Variants in KHDRBS2 observed in about 807,000 individuals in gnomAD.
The protein encoded by KHDRBS2 is KH RNA binding domain containing, signal transduction associated 2.
In KHDRBS2, 26 loss-of-function variants were observed where a neutral mutation model predicts 44.3. The ratio of observed to expected loss-of-function variants is 0.59; its 90% confidence interval spans 0.43 to 0.81. The LOEUF (loss-of-function observed/expected upper bound fraction) is 0.81. KHDRBS2 is among the 40% of genes least tolerant of loss of function. KHDRBS2 has a pLI of 0.00. For missense variants in KHDRBS2, 476 were observed against 433.1 expected (o/e 1.10, Z -0.88); for synonymous variants, 194 against 151.1 (o/e 1.28, Z -2.08).
chr6:62,063,928 A>G (rs1020966427), intron 2 of KHDRBS2, among the ~76,000 whole-genome samples: 23 of 143,992 alleles, frequency 1.6e-4, no homozygotes, highest in African/African-American at 5.6e-4. Flanking sequence ...CAACTTCAGC[A>G]AAGTCTCAGG....
the KHDRBS2 span, among the ~76,000 whole-genome samples, chr6:61,674,107 T>C: frequency 2.0e-4 from 31 of 151,934 alleles, no homozygotes; most frequent in African/African-American, 6.7e-4. Context: ...ATTTAGATTA[T>C]AAATGAATTC....
At chr6:61,799,773 A>T (rs1216571476) in intron 6 of KHDRBS2, among the ~76,000 whole-genome samples, 2 of 152,086 alleles carry the variant, frequency 1.3e-5, no homozygotes, top group Non-Finnish European at 2.9e-5. Flanking sequence ...TTGAAGGATA[A>T]TCCTTAATTT....
the KHDRBS2 span, among the ~76,000 whole-genome samples, chr6:61,673,002 C>A: frequency 6.6e-6 from 1 of 151,762 alleles, no homozygotes; most frequent in East Asian, 2.0e-4. Flanking sequence ...AGTCTTTAAT[C>A]CATCTTGAAT....
intron 2 of KHDRBS2, among the ~76,000 whole-genome samples, chr6:62,064,334 G>A (rs1792935664): frequency 6.7e-6 from 1 of 148,858 alleles, no homozygotes; most frequent in Non-Finnish European, 1.5e-5. Context: ...TCAATCCTAA[G>A]CCAAAAGAAC....
chr6:61,915,135 C>T (rs1259977634), intron 4 of KHDRBS2, among the ~76,000 whole-genome samples: 1 of 151,960 alleles, frequency 6.6e-6, no homozygotes, highest in Non-Finnish European at 1.5e-5. Context: ...GGTAATGAGT[C>T]CTCACAAGAA....
chr6:61,993,673 A>ATATATATTTT (rs1425839225), intron 3 of KHDRBS2, among the ~76,000 whole-genome samples: 12 of 115,692 alleles, frequency 1.0e-4, no homozygotes, highest in Non-Finnish European at 1.9e-4. Context: ...ATATATATAT[A>ATATATATTTT]TTTTTTTTTT....
intron 1 of KHDRBS2, among the ~76,000 whole-genome samples, chr6:62,226,859 A>G (rs1436717645): frequency 6.6e-6 from 1 of 151,968 alleles, no homozygotes; most frequent in African/African-American, 2.4e-5. Context: ...CTTTTAAGGT[A>G]TCTGTTCTGT....
intron 2 of KHDRBS2, among the ~76,000 whole-genome samples, chr6:62,092,933 G>T (rs1799754210): frequency 6.6e-6 from 1 of 151,876 alleles, no homozygotes; most frequent in Non-Finnish European, 1.5e-5. Flanking sequence ...CATCAGACAG[G>T]TTAATTTTTA....
chr6:61,584,487 AT>A, the KHDRBS2 span, among the ~76,000 whole-genome samples: 270 of 152,014 alleles, frequency 1.8e-3, 1 homozygote, highest in African/African-American at 6.3e-3. Flanking sequence ...GTGATTAACT[AT>A]ATTGGCTGAT....
intron 1 of KHDRBS2, among the ~76,000 whole-genome samples, chr6:62,239,770 C>G (rs1465307455): frequency 2.6e-5 from 4 of 151,982 alleles, no homozygotes; most frequent in Admixed American, 1.3e-4. Flanking sequence ...ACTGCAACTT[C>G]CACGTCCCAG....
rs142318059 is a variant in KHDRBS2, at chr6:62,018,165, C to T, written c.336+29713G>A. On this transcript the variant is annotated intron_variant, in intron 3 of 8. Coordinates refer to ENST00000281156, the MANE Select transcript of KHDRBS2 (RefSeq NM_152688.4). ...AATATTACTACTTTTTTTTTTGAGA[C>T]GGAGTCTTGCTCCGTCTCAAAATAT... Among the ~76,000 whole-genome samples, 1,106 of 148,062 alleles carry T rather than the reference C, an allele frequency of 7.5e-3. 13 individuals are homozygous for T. Among genetic ancestry groups the T allele is most frequent in the African/African-American group, 0.026 (1,058 of 40,458 alleles).
At chr6:61,899,273 G>A (rs961102777) in intron 5 of KHDRBS2, among the ~76,000 whole-genome samples, 7 of 151,778 alleles carry the variant, frequency 4.6e-5, no homozygotes, top group African/African-American at 7.2e-5. Context: ...AAAAGGAAAA[G>A]AATATCTCTT....
chr6:61,805,566 C>A (rs1787016848), intron 6 of KHDRBS2, among the ~76,000 whole-genome samples: 2 of 152,118 alleles, frequency 1.3e-5, no homozygotes, highest in African/African-American at 4.8e-5. Context: ...GAAGGAACAC[C>A]TAAGACTGGG....
chr6:62,256,019 C>A (rs1837344795), intron 1 of KHDRBS2, among the ~76,000 whole-genome samples: 2 of 151,710 alleles, frequency 1.3e-5, no homozygotes, highest in Admixed American at 1.3e-4. Context: ...CCTATAATCT[C>A]AGCTACTCAG....
At chr6:62,028,959 T>C (rs1333482190) in intron 3 of KHDRBS2, among the ~76,000 whole-genome samples, 3 of 151,992 alleles carry the variant, frequency 2.0e-5, no homozygotes, top group Admixed American at 6.6e-5. Flanking sequence ...CTTTCTCCAT[T>C]GTACAACTAG....
At chr6:61,672,438 C>T in the KHDRBS2 span, among the ~76,000 whole-genome samples, 6 of 151,996 alleles carry the variant, frequency 3.9e-5, no homozygotes, top group African/African-American at 7.2e-5. Flanking sequence ...TCCACAATGG[C>T]TGAACTAGTT....
intron 6 of KHDRBS2, among the ~76,000 whole-genome samples, chr6:61,785,545 A>G (rs1426786272): frequency 6.6e-6 from 1 of 152,108 alleles, no homozygotes; most frequent in East Asian, 1.9e-4. Context: ...GTTTGTGTAT[A>G]TGCATATGAA....
At chr6:61,930,636 G>A (rs563480538) in intron 4 of KHDRBS2, among the ~76,000 whole-genome samples, 50 of 147,616 alleles carry the variant, frequency 3.4e-4, no homozygotes, top group Non-Finnish European at 6.4e-4. Flanking sequence ...GGTGGAGGTT[G>A]CAGTGAGCCA....
At chr6:61,572,432 A>G in the KHDRBS2 span, among the ~76,000 whole-genome samples, 1 of 152,134 alleles carries the variant, frequency 6.6e-6, no homozygotes, top group Non-Finnish European at 1.5e-5. Context: ...AATTATTTCA[A>G]AAGATAAAGA....
Sources: allele counts gnomAD v4.1 joint callset (sites outside exome capture counted in the v4.1 genomes callset), GRCh38; gene constraint gnomAD v4.1.1; transcripts MANE v1.5; gene names NCBI Gene and HGNC (gene_info 2026-07-23, HGNC 2026-07-21).